The following PLSCR2 variants were observed in gnomAD, a reference collection of about 807,000 sequenced individuals.
The protein encoded by PLSCR2 is phospholipid scramblase 2, also known as PL scramblase 2.
A neutral mutation model predicts 25.3 loss-of-function variants in PLSCR2; 18 were observed. The ratio of observed to expected loss-of-function variants is 0.71; its 90% CI spans 0.49 to 1.06. The LOEUF (loss-of-function observed/expected upper bound fraction) is 1.06. Ranked by LOEUF, PLSCR2 falls within the 50% of genes least tolerant of loss-of-function variation. The probability of loss-of-function intolerance (pLI) is 0.00; values close to 1 mark genes in which losing one functional copy is unlikely to be tolerated. For missense variants in PLSCR2, 243 were observed against 269.5 expected (o/e 0.90, Z 0.69); for synonymous variants, 88 against 87.3 (o/e 1.01, Z -0.04).
At chr3:146,492,767 C>T (rs566941039) in intron 1 of PLSCR2, among the ~76,000 whole-genome samples, 224 of 151,868 alleles carry the variant, frequency 1.5e-3, no homozygotes, top group Non-Finnish European at 2.6e-3. Flanking sequence ...AAACCAACCC[C>T]AAAGCTCACA....
intron 5 of PLSCR2, among the ~76,000 whole-genome samples, chr3:146,451,782 C>T (rs2040913046): frequency 6.6e-6 from 1 of 152,136 alleles, no homozygotes; most frequent in Non-Finnish European, 1.5e-5. Flanking sequence ...ATGCAACTTC[C>T]TAAGAACTCT....
intron 3 of PLSCR2, among the ~76,000 whole-genome samples, chr3:146,456,327 G>A (rs2041216554): frequency 6.6e-6 from 1 of 152,112 alleles, no homozygotes; most frequent in South Asian, 2.1e-4. Context: ...ACATCATACA[G>A]AAATGTTTCT....
chr3:146,426,253 CCCT>C (rs1404889065), intron 2 of PLSCR2, among the ~76,000 whole-genome samples: 3 of 139,232 alleles, frequency 2.2e-5, no homozygotes, highest in South Asian at 5.1e-4. Context: ...CTCCCTCTCT[CCCT>C]CCTTCCTTCC....
intron 2 of PLSCR2, among the ~76,000 whole-genome samples, chr3:146,400,713 C>T (rs2038440006): frequency 6.6e-6 from 1 of 151,478 alleles, no homozygotes; most frequent in East Asian, 1.9e-4. Flanking sequence ...GCTTGTACTA[C>T]CTGATATTAA....
upstream of PLSCR2, among the ~76,000 whole-genome samples, chr3:146,464,791 T>G (rs2041787073): frequency 6.6e-6 from 1 of 152,192 alleles, no homozygotes; most frequent in South Asian, 2.1e-4. Context: ...AATCATGTCT[T>G]CATTGCTGCT....
At chr3:146,405,683 A>C (rs1395601081) in intron 2 of PLSCR2, among the ~76,000 whole-genome samples, 1 of 152,182 alleles carries the variant, frequency 6.6e-6, no homozygotes, top group Non-Finnish European at 1.5e-5. Context: ...TAAATTAAGA[A>C]ACTAATTTAA....
At chr3:146,449,138 T>C (rs2040739731) in intron 6 of PLSCR2, 68 bp downstream of exon 6, 1 of 1,114,704 alleles carries the variant, frequency 9.0e-7, no homozygotes, top group African/African-American at 1.6e-5. Flanking sequence ...AATGTATAAT[T>C]TATTGAAGTA....
chr3:146,453,023 A>G (rs2040992332), intron 5 of PLSCR2, among the ~76,000 whole-genome samples: 1 of 152,032 alleles, frequency 6.6e-6, no homozygotes, highest in Admixed American at 6.6e-5. Context: ...AAAGGTCTCT[A>G]CAACACATGT....
intron 3 of PLSCR2, 94 bp downstream of exon 3, chr3:146,458,317 C>G: frequency 9.2e-7 from 1 of 1,081,208 alleles, no homozygotes; most frequent in Non-Finnish European, 1.3e-6. Context: ...CATCCCACAT[C>G]ACTCGGAATG....
At chr3:146,493,968 A>C (rs886347004) in intron 1 of PLSCR2, among the ~76,000 whole-genome samples, 1 of 152,056 alleles carries the variant, frequency 6.6e-6, no homozygotes, top group Admixed American at 6.6e-5. Context: ...TGTTGATTAC[A>C]TCATGGCTAC....
At chr3:146,476,591 C>A (rs1354612111) in intron 1 of PLSCR2, among the ~76,000 whole-genome samples, 2 of 152,246 alleles carry the variant, frequency 1.3e-5, no homozygotes, top group African/African-American at 4.8e-5. Flanking sequence ...GCAGCCCTCA[C>A]TGCAGCTGCT....
chr3:146,426,311 TTCCC>T (rs2039352103), intron 2 of PLSCR2, among the ~76,000 whole-genome samples: 1 of 146,952 alleles, frequency 6.8e-6, no homozygotes, highest in South Asian at 2.3e-4. Context: ...CCTTCCCTCC[TTCCC>T]TCCTTCCTTC....
At chr3:146,427,122 A>G (rs746750692) in intron 2 of PLSCR2, among the ~76,000 whole-genome samples, 4 of 152,252 alleles carry the variant, frequency 2.6e-5, no homozygotes, top group Non-Finnish European at 5.9e-5. Flanking sequence ...GACTTTGACA[A>G]CTTTGAGAAC....
intron 2 of PLSCR2, among the ~76,000 whole-genome samples, chr3:146,399,633 A>G (rs1311212038): frequency 1.3e-5 from 2 of 151,692 alleles, no homozygotes; most frequent in African/African-American, 4.8e-5. Context: ...CTTCCATTAT[A>G]TTCTGTCCTC....
chr3:146,479,195 A>G (rs146545079), intron 1 of PLSCR2, among the ~76,000 whole-genome samples: 5 of 152,344 alleles, frequency 3.3e-5, no homozygotes, highest in African/African-American at 9.6e-5. Flanking sequence ...TAACGGGCAA[A>G]ATAACCAGCT....
At chr3:146,395,717 A>C (rs2038252342) in intron 3 of PLSCR2, 1 of 160,638 alleles carries the variant, frequency 6.2e-6, no homozygotes, top group South Asian at 1.6e-4. Flanking sequence ...TGGTAATCTC[A>C]GAAAATATAA....
At chr3:146,475,634 T>C (rs1025274218) in intron 1 of PLSCR2, among the ~76,000 whole-genome samples, 2 of 152,232 alleles carry the variant, frequency 1.3e-5, no homozygotes, top group African/African-American at 4.8e-5. Context: ...GTGTGACCAC[T>C]GACATCTATT....
chr3:146,447,255 A>G (rs1475089705), intron 6 of PLSCR2, among the ~76,000 whole-genome samples: 3 of 152,168 alleles, frequency 2.0e-5, no homozygotes, highest in African/African-American at 7.2e-5. Context: ...TTCCTCAAGT[A>G]GGAGGGTTAT....
chr3:146,486,644 C>T (rs1049125000), intron 1 of PLSCR2, among the ~76,000 whole-genome samples: 2 of 151,798 alleles, frequency 1.3e-5, no homozygotes, highest in African/African-American at 4.8e-5. Flanking sequence ...CTTGAATAGA[C>T]CAATAACAAT....
Sources: gnomAD v4.1 joint callset for allele counts (sites outside exome capture counted in the v4.1 genomes callset) on GRCh38, gnomAD v4.1.1 for gene constraint, MANE v1.5 for transcripts, NCBI Gene and HGNC (gene_info 2026-07-23, HGNC 2026-07-21) for gene names.